Variants in COIL observed in about 807,000 individuals in gnomAD.
The protein encoded by COIL is coilin p80.
Under a neutral mutation model 51.6 loss-of-function variants are expected in COIL, and 28 were observed. The observed-to-expected ratio is 0.54, with a 90% CI of 0.40 to 0.74. The LOEUF (loss-of-function observed/expected upper bound fraction) is 0.74, where lower values mean the gene tolerates loss of function less well. COIL is among the 30% of genes least tolerant of loss of function. The probability of loss-of-function intolerance (pLI) is 0.00; values close to 1 mark genes in which losing one functional copy is unlikely to be tolerated. For synonymous variants in COIL, 233 were observed against 255.8 expected (o/e 0.91, Z 0.85); for missense variants, 667 against 685.9 (o/e 0.97, Z 0.31).
chr17:56,956,814 C>T (rs1363884643), intron 1 of COIL, among the ~76,000 whole-genome samples: 2 of 152,078 alleles, frequency 1.3e-5, no homozygotes, highest in Admixed American at 6.5e-5. Context: ...AGGCTGGTCT[C>T]GAACTCCTGA....
intron 1 of COIL, chr17:56,952,328 C>T: frequency 2.2e-6 from 1 of 454,032 alleles, no homozygotes; most frequent in Non-Finnish European, 4.3e-6. Flanking sequence ...GTACTGACAA[C>T]CTCGGCTGGC....
At position 56,939,008 on chromosome 17, in the gene COIL, G is replaced by C; in HGVS notation, c.*63C>G. On this transcript the variant is annotated 3_prime_UTR_variant, in exon 7 of 7. Coordinates refer to ENST00000240316, the MANE Select transcript of COIL (RefSeq NM_004645.3). Reference sequence around the variant, plus strand: ...AAATCCTCTTTAAAAAAAAAAAAAAGTTTGGGTTATAGTCACTTTCACAAA... The same window carrying C: ...AAATCCTCTTTAAAAAAAAAAAAAACTTTGGGTTATAGTCACTTTCACAAA... The C allele has an allele frequency of 1.2e-6, 1 of 864,746 alleles. No individual in the cohort carries two copies. The highest frequency in any genetic ancestry group is 2.7e-5 in the East Asian group (1 of 37,056). 53.6% of individuals were successfully genotyped at this position (864,746 alleles called of 1,614,324 possible). A position where few individuals can be genotyped will look rare whatever the true frequency, so the allele number is the denominator to read the frequency against.
At chr17:56,960,740 G>A (rs1477430023) in intron 1 of COIL, 35 bp downstream of exon 1, 66 of 1,219,716 alleles carry the variant, frequency 5.4e-5, no homozygotes, top group Non-Finnish European at 6.7e-5. Flanking sequence ...CCCGCCCGCC[G>A]CCCACCCGGC....
At chr17:56,952,058 C>T (rs1910383156) in intron 1 of COIL, 1 of 285,556 alleles carries the variant, frequency 3.5e-6, no homozygotes, top group African/African-American at 2.3e-5. Context: ...ATCTGCCTAC[C>T]TTGGCCTCTC....
Position 56,946,458 on chromosome 17 carries a change from A to T in COIL, c.1542T>A (p.Ile514=). The change falls in exon 5 of 7, where the codon ATT becomes ATA. Residue 514 remains isoleucine, a synonymous_variant. Coordinates refer to ENST00000240316, the MANE Select transcript of COIL (RefSeq NM_004645.3). ...NPETQQVDIE[I]LSSLPALREP... ...AAGACTCACCAGGTAAGGATGAAAG[A>T]ATTTCTATATCTACTTGCTGGGTCT... is the stretch of plus-strand genomic sequence containing the variant. The T allele has an allele frequency of 6.2e-7, 1 of 1,609,352 alleles. No individual in the cohort carries two copies. The highest frequency in any genetic ancestry group is 8.5e-7 in the Non-Finnish European group (1 of 1,176,226).
chr17:56,950,236 A>ACTC lies in COIL; in HGVS notation c.1003_1005dup (p.Glu335dup), dbSNP rs760457773. On this transcript the variant is annotated inframe_insertion, in exon 2 of 7. Coordinates refer to ENST00000240316, the MANE Select transcript of COIL (RefSeq NM_004645.3). ...ACTGTCTTTAAGAAACCCGCAGCAC[A>ACTC]CTCCGGGGTGCTCGATGACATCAAG... is the stretch of plus-strand genomic sequence containing the variant. 8.1e-6 allele frequency: 13 copies of ACTC among 1,613,830 alleles called. No homozygotes were observed. The highest frequency in any genetic ancestry group is 7.6e-6 in the Non-Finnish European group (9 of 1,179,982).
chr17:56,955,934 T>C (rs770891501), intron 1 of COIL, among the ~76,000 whole-genome samples: 1 of 152,160 alleles, frequency 6.6e-6, no homozygotes, highest in Non-Finnish European at 1.5e-5. Context: ...TAAAGCACTA[T>C]GTAGCAAACA....
At chr17:56,958,080 A>T (rs1910515865) in intron 1 of COIL, among the ~76,000 whole-genome samples, 1 of 152,200 alleles carries the variant, frequency 6.6e-6, no homozygotes, top group South Asian at 2.1e-4. Context: ...TCTTTTTACC[A>T]AGTCCAGCCA....
chr17:56,939,603 G>A (rs1910107792), intron 6 of COIL, among the ~76,000 whole-genome samples: 2 of 152,118 alleles, frequency 1.3e-5, no homozygotes, highest in South Asian at 4.1e-4. Flanking sequence ...AGCCGGGCAT[G>A]GTGACGCATG....
At chr17:56,960,657 C>G (rs1218609873) in intron 1 of COIL, 118 bp downstream of exon 1, 3 of 222,442 alleles carry the variant, frequency 1.3e-5, no homozygotes, top group African/African-American at 2.5e-5. Flanking sequence ...CAACCCTCGT[C>G]CCCTTCCCCA....
intron 1 of COIL, among the ~76,000 whole-genome samples, chr17:56,958,193 T>C (rs1001411716): frequency 2.0e-5 from 3 of 152,222 alleles, no homozygotes; most frequent in African/African-American, 7.2e-5. Flanking sequence ...TGATCTCCCT[T>C]TTCTCAACCA....
In COIL at chr17:56,950,413, T is replaced by C; in HGVS notation, c.829A>G (p.Thr277Ala). Reference protein sequence around the residue: ...EARNSSEKLPTELSKEEPSTK... With the variant: ...EARNSSEKLPAELSKEEPSTK... Reference sequence around the variant, plus strand: ...GAGGGTTCTTCCTTTGATAACTCAGTTGGTAATTTCTCTGAGGAATTTCTG... The same window carrying C: ...GAGGGTTCTTCCTTTGATAACTCAGCTGGTAATTTCTCTGAGGAATTTCTG... Residue 277 changes from threonine to alanine, a missense_variant, in exon 2 of 7, where the codon ACT (threonine) becomes GCT (alanine). By Grantham distance (58) the Thr-to-Ala change is moderately conservative. Transcript: ENST00000240316. The C allele has an allele frequency of 6.2e-7, 1 of 1,614,192 alleles. No homozygotes were observed. The highest frequency in any genetic ancestry group is 1.1e-5 in the South Asian group (1 of 91,080).
intron 3 of COIL, 85 bp from the exon 4 acceptor site, chr17:56,949,519 G>C: frequency 1.4e-6 from 2 of 1,468,512 alleles, no homozygotes; most frequent in African/African-American, 2.8e-5. Flanking sequence ...CCATGTTGGC[G>C]TGTCCACCCC....
Position 56,950,277 on chromosome 17 carries a change from T to G in COIL, c.965A>C (p.Glu322Ala), listed in dbSNP as rs747955870. The G allele has an allele frequency of 6.2e-7, 1 of 1,614,226 alleles. No homozygotes were observed. Among genetic ancestry groups the G allele is most frequent in the Non-Finnish European group, 8.5e-7 (1 of 1,180,028 alleles). ...TGACATCAAGCATTGGTCGTCTGAC[T>G]CTGCACTAGAGTCTGAACTGGAAGA... is the stretch of plus-strand genomic sequence containing the variant. ...TTSSSSDSSA[E>A]SDDQCLMSSS... The change falls in exon 2 of 7, where the codon GAG (glutamate) becomes GCG (alanine). Residue 322 changes from glutamate (E) to alanine (A), a missense_variant. By Grantham distance (107) the Glu-to-Ala change is moderately radical (BLOSUM62 -1). Coordinates refer to ENST00000240316, the MANE Select transcript of COIL (RefSeq NM_004645.3).
chr17:56,942,604 C>T (rs986988160), intron 5 of COIL, among the ~76,000 whole-genome samples: 4 of 152,136 alleles, frequency 2.6e-5, no homozygotes, highest in South Asian at 4.1e-4. Context: ...CAACCTCTAC[C>T]TCCTGGGTTC....
intron 6 of COIL, chr17:56,940,218 GC>G: frequency 6.6e-6 from 1 of 152,210 alleles, no homozygotes; most frequent in Non-Finnish European, 1.5e-5. Flanking sequence ...CTCCTGCCTC[GC>G]CCCCACCACC....
chr17:56,955,268 G>A (rs775989149), intron 1 of COIL, among the ~76,000 whole-genome samples: 2 of 152,168 alleles, frequency 1.3e-5, no homozygotes, highest in Non-Finnish European at 2.9e-5. Context: ...GTTTTGCCAC[G>A]TTGGTCAGGC....
chr17:56,943,222 T>A (rs1910181218), intron 5 of COIL, among the ~76,000 whole-genome samples: 1 of 152,248 alleles, frequency 6.6e-6, no homozygotes, highest in African/African-American at 2.4e-5. Context: ...TTCTACATTT[T>A]ATCCTTTGAA....
chr17:56,953,227 CAG>C, intron 1 of COIL, among the ~76,000 whole-genome samples: 2 of 151,860 alleles, frequency 1.3e-5, no homozygotes, highest in African/African-American at 4.8e-5. Flanking sequence ...CTGGCTAACA[CAG>C]TGAAACCCCG....
Sources: allele counts gnomAD v4.1 joint callset (sites outside exome capture counted in the v4.1 genomes callset), GRCh38; gene constraint gnomAD v4.1.1; transcripts MANE v1.5; gene names NCBI Gene and HGNC (gene_info 2026-07-23, HGNC 2026-07-21).